The following RBFOX1 variants were observed in gnomAD, a reference collection of about 807,000 sequenced individuals.
RBFOX1 encodes the protein RNA binding fox-1 homolog 1.
A neutral mutation model predicts 57.7 loss-of-function variants in RBFOX1; 8 were observed. The ratio of observed to expected loss-of-function variants is 0.14; its 90% confidence interval spans 0.08 to 0.25. The LOEUF (loss-of-function observed/expected upper bound fraction) is 0.25, where lower values mean the gene tolerates loss of function less well. RBFOX1 is among the 10% of genes least tolerant of loss of function. The pLI, the probability that RBFOX1 is intolerant of heterozygous loss-of-function variation, is 1.00. For synonymous variants in RBFOX1, 326 were observed against 222.4 expected (o/e 1.47, Z -4.15); for missense variants, 611 against 548.5 (o/e 1.11, Z -1.14).
intron 4 of RBFOX1, among the ~76,000 whole-genome samples, chr16:7,103,118 T>G (rs2062979220): frequency 6.6e-6 from 1 of 152,142 alleles, no homozygotes; most frequent in African/African-American, 2.4e-5. Flanking sequence ...GTGGGTGCTT[T>G]CCAAGCTGTC....
At chr16:5,799,889 T>A (rs1428096210) in intron 3 of RBFOX1, among the ~76,000 whole-genome samples, 3 of 151,918 alleles carry the variant, frequency 2.0e-5, no homozygotes, top group South Asian at 2.1e-4. Flanking sequence ...AAAATTAATT[T>A]AAAAAAAATA....
intron 4 of RBFOX1, among the ~76,000 whole-genome samples, chr16:7,401,525 A>G (rs1195028489): frequency 6.6e-6 from 1 of 152,232 alleles, no homozygotes; most frequent in African/African-American, 2.4e-5. Context: ...AGAAAAATAA[A>G]AAGATAGAAA....
chr16:5,253,025 T>C (rs2062493585), intron 1 of RBFOX1, among the ~76,000 whole-genome samples: 1 of 152,206 alleles, frequency 6.6e-6, no homozygotes. Flanking sequence ...TGAGGGGTTC[T>C]CCTCTGAGGT....
At chr16:6,585,130 C>A (rs1484186081) in intron 2 of RBFOX1, among the ~76,000 whole-genome samples, 1 of 152,180 alleles carries the variant, frequency 6.6e-6, no homozygotes, top group Non-Finnish European at 1.5e-5. Flanking sequence ...TAATCTCTGG[C>A]AGCCTCATGC....
At chr16:6,250,846 G>T (rs574618277) in intron 1 of RBFOX1, among the ~76,000 whole-genome samples, 1 of 152,146 alleles carries the variant, frequency 6.6e-6, no homozygotes, top group African/African-American at 2.4e-5. Context: ...ACCGTGCATT[G>T]CTTGGCCAAG....
intron 2 of RBFOX1, among the ~76,000 whole-genome samples, chr16:5,488,547 TG>T (rs2042720031): frequency 3.3e-5 from 1 of 29,968 alleles, no homozygotes; most frequent in Admixed American, 4.3e-4. Flanking sequence ...CGGGGTGTGA[TG>T]GTGATAATGG....
intron 3 of RBFOX1, among the ~76,000 whole-genome samples, chr16:6,975,367 G>A (rs1014675478): frequency 1.3e-5 from 2 of 152,130 alleles, no homozygotes; most frequent in African/African-American, 2.4e-5. Flanking sequence ...CTGGGTTCAA[G>A]CGATTCTCCT....
chr16:7,352,951 A>G (rs2097154113), intron 4 of RBFOX1, among the ~76,000 whole-genome samples: 1 of 152,108 alleles, frequency 6.6e-6, no homozygotes, highest in Non-Finnish European at 1.5e-5. Flanking sequence ...GCTAGGCTTC[A>G]GTGATCTGCT....
chr16:5,958,093 G>A (rs1332274707), intron 4 of RBFOX1, among the ~76,000 whole-genome samples: 1 of 152,146 alleles, frequency 6.6e-6, no homozygotes, highest in Non-Finnish European at 1.5e-5. Flanking sequence ...AATTCTTCAT[G>A]TGTGTAATGA....
downstream of RBFOX1, among the ~76,000 whole-genome samples, chr16:5,604,640 G>T (rs983086163): frequency 2.6e-5 from 4 of 152,172 alleles, no homozygotes; most frequent in Non-Finnish European, 5.9e-5. Flanking sequence ...CGTGGGTCCT[G>T]CCTACATGCT....
At chr16:5,429,118 C>T (rs761474575) in intron 1 of RBFOX1, among the ~76,000 whole-genome samples, 1 of 152,170 alleles carries the variant, frequency 6.6e-6, no homozygotes, top group Non-Finnish European at 1.5e-5. Flanking sequence ...TTCCCTCCTG[C>T]CTCTCTGCCT....
intron 2 of RBFOX1, among the ~76,000 whole-genome samples, chr16:5,591,846 A>G (rs2047018552): frequency 6.6e-6 from 1 of 152,188 alleles, no homozygotes; most frequent in Non-Finnish European, 1.5e-5. Context: ...GGCACAAGTC[A>G]TGTTATACTC....
At chr16:6,996,278 T>C (rs2092231789) in intron 3 of RBFOX1, among the ~76,000 whole-genome samples, 2 of 152,210 alleles carry the variant, frequency 1.3e-5, no homozygotes, top group Admixed American at 1.3e-4. Context: ...ATATTGAGTA[T>C]CTCTACTTTA....
At chr16:5,853,120 G>A (rs977328033) in intron 3 of RBFOX1, among the ~76,000 whole-genome samples, 7 of 152,066 alleles carry the variant, frequency 4.6e-5, no homozygotes, top group Admixed American at 1.3e-4. Flanking sequence ...AGAGAAAGGA[G>A]GCAGCCAGTA....
chr16:6,218,847 A>T (rs13335614), intron 1 of RBFOX1, among the ~76,000 whole-genome samples: 3,265 of 46,398 alleles, frequency 0.07, 113 homozygotes, highest in African/African-American at 0.15. Flanking sequence ...GAGACAATTG[A>T]AGCCAGAAAA....
intron 4 of RBFOX1, among the ~76,000 whole-genome samples, chr16:7,181,445 G>T (rs1480363007): frequency 6.6e-6 from 1 of 152,024 alleles, no homozygotes; most frequent in Non-Finnish European, 1.5e-5. Context: ...TTACATTTTG[G>T]TAAGGCTAGT....
chr16:6,084,387 C>G (rs894465501), intron 1 of RBFOX1, among the ~76,000 whole-genome samples: 2 of 151,976 alleles, frequency 1.3e-5, no homozygotes, highest in Admixed American at 1.3e-4. Flanking sequence ...GGGACCATAG[C>G]TATGAACAAA....
chr16:7,670,318 C>G (rs2070969274), intron 13 of RBFOX1, among the ~76,000 whole-genome samples: 1 of 152,124 alleles, frequency 6.6e-6, no homozygotes, highest in South Asian at 2.1e-4. Flanking sequence ...AGGTGTCAGC[C>G]ACCACGTGTG....
Position 7,195,350 on chromosome 16 carries a change from C to T in RBFOX1, c.27+143252C>T, listed in dbSNP as rs141942839. ...GCAGTGTCTTTTCTAGCCAGTTTCA[C>T]CAATGACCTGGTGTGCAAATTTGTC... On this transcript the variant is annotated intron_variant, in intron 4 of 15. Transcript: ENST00000550418. 1.1e-3 allele frequency among the ~76,000 whole-genome samples: 171 copies of T among 152,258 alleles called. 1 individual carries two copies. The highest frequency in any genetic ancestry group is 3.9e-3 in the African/African-American group (162 of 41,558).
Sources: allele counts gnomAD v4.1 joint callset (sites outside exome capture counted in the v4.1 genomes callset), GRCh38; gene constraint gnomAD v4.1.1; transcripts MANE v1.5; gene names NCBI Gene and HGNC (gene_info 2026-07-23, HGNC 2026-07-21).